The following HAUS7 variants were observed in gnomAD, a reference collection of about 807,000 sequenced individuals.
HAUS7 encodes the protein HAUS augmin like complex subunit 7.
HAUS7 carries 3 observed loss-of-function variants against 28.4 expected under a neutral mutation model. That is an observed-to-expected ratio of 0.11 (90% confidence interval 0.05 to 0.27). The LOEUF (loss-of-function observed/expected upper bound fraction) is 0.27, where lower values mean the gene tolerates loss of function less well. HAUS7 is among the 10% of genes least tolerant of loss of function. HAUS7 has a pLI of 1.00. For missense variants in HAUS7, 284 were observed against 297.3 expected (o/e 0.96, Z 0.33); for synonymous variants, 165 against 132.1 (o/e 1.25, Z -1.71).
intron 1 of HAUS7, among the ~76,000 whole-genome samples, chrX:153,483,783 C>T (rs2089617197): frequency 8.9e-6 from 1 of 112,140 alleles, no homozygotes; most frequent in South Asian, 3.8e-4. Flanking sequence ...CCTAGGCCTG[C>T]CCTGCCGGCC....
At position 153,464,973 on chromosome X, in the gene HAUS7, C is replaced by G; in HGVS notation, c.292+15G>C. The G allele has an allele frequency of 1.7e-6, 2 of 1,147,676 alleles. No individual in the cohort carries two copies. Among genetic ancestry groups the G allele is most frequent in the Non-Finnish European group, 2.4e-6 (2 of 837,106 alleles). 94.6% of individuals were successfully genotyped at this position (1,147,676 alleles called of 1,213,427 possible). ...GGCTGTGGACAAGCTCAGAATGGAC[C>G]AAGATTCCACCTACCTTGGATCTTC... is the stretch of plus-strand genomic sequence containing the variant. On this transcript the variant is annotated intron_variant, in intron 3 of 9. Coordinates refer to ENST00000370211, the MANE Select transcript of HAUS7 (RefSeq NM_001385482.1).
At chrX:153,489,100 G>A (rs1459483729) in intron 1 of HAUS7, among the ~76,000 whole-genome samples, 7 of 112,749 alleles carry the variant, frequency 6.2e-5, no homozygotes, top group African/African-American at 1.9e-4. Context: ...CCTGCACTCC[G>A]AGATGGGGCA....
chrX:153,474,642 G>A (rs1331179585), upstream of HAUS7, among the ~76,000 whole-genome samples: 1 of 109,059 alleles, frequency 9.2e-6, no homozygotes, highest in Non-Finnish European at 1.9e-5. Flanking sequence ...GGGGCCCTGG[G>A]GACCTTTGGG....
chrX:153,456,450 A>G (rs1385813029), intron 6 of HAUS7, 43 bp downstream of exon 6: 2 of 1,174,671 alleles, frequency 1.7e-6, no homozygotes, highest in African/African-American at 1.8e-5. Flanking sequence ...GGGCTGGGAC[A>G]GGAGGCCAGG....
chrX:153,456,476 C>G lies in HAUS7; in HGVS notation c.605+17G>C, dbSNP rs936147292. 8.5e-7 allele frequency: 1 copy of G among 1,176,433 alleles called. No individual in the cohort carries two copies. The highest frequency in any genetic ancestry group is 1.1e-6 in the Non-Finnish European group (1 of 876,817). ...GGAGGCCAGGGTGCTGCCACTGAGG[C>G]CTCCAGGAGCACGTACCACTGCCAG... On this transcript the variant is annotated intron_variant, in intron 6 of 9. Coordinates refer to ENST00000370211, the MANE Select transcript of HAUS7 (RefSeq NM_001385482.1).
At chrX:153,485,179 C>T (rs990094201) in intron 1 of HAUS7, among the ~76,000 whole-genome samples, 1 of 111,737 alleles carries the variant, frequency 8.9e-6, no homozygotes, top group African/African-American at 3.3e-5. Context: ...TGGGTGACCT[C>T]CCAGGGTCCC....
Position 153,470,531 on chromosome X carries a change from G to A in HAUS7, c.27C>T (p.Gly9=), listed in dbSNP as rs1556985003. The A allele has an allele frequency of 8.4e-7, 1 of 1,194,851 alleles. No homozygotes were observed. Among genetic ancestry groups the A allele is most frequent in the Admixed American group, 2.2e-5 (1 of 45,085 alleles). The change falls in exon 1 of 10, where the codon GGC becomes GGT. Residue 9 remains glycine (G), a synonymous_variant. Transcript: ENST00000370211. MAGQDAGC[G]RGGDDYSEDE... ...CCTCTGAGTAGTCGTCGCCGCCACG[G>A]CCGCAGCCAGCGTCCTGCCCCGCCA...
chrX:153,461,882 C>A (rs1167085376), intron 4 of HAUS7: 5 of 327,979 alleles, frequency 1.5e-5, no homozygotes, highest in Non-Finnish European at 2.7e-5. Context: ...AATTCCACTC[C>A]CAGCTATACA....
chrX:153,476,244 G>A (rs1307283393), intron 1 of HAUS7, among the ~76,000 whole-genome samples: 1 of 112,214 alleles, frequency 8.9e-6, no homozygotes, highest in African/African-American at 3.2e-5. Context: ...CCTCTTTTTC[G>A]GAGGGCTCTT....
chrX:153,472,435 ACCACCCACCACCTG>A (rs1247643479), upstream of HAUS7, among the ~76,000 whole-genome samples: 21 of 13,550 alleles, frequency 1.5e-3, no homozygotes, highest in South Asian at 2.9e-3. Flanking sequence ...CCCACCACCC[ACCACCCACCACCTG>A]CCACCCACCA....
chrX:153,470,384 TC>T, intron 1 of HAUS7, 65 bp downstream of exon 1: 1 of 1,118,459 alleles, frequency 8.9e-7, no homozygotes, highest in Non-Finnish European at 1.2e-6. Context: ...CAGCAAGCCC[TC>T]CCGGGCCTCG....
At position 153,459,650 on chromosome X, in the gene HAUS7, C is replaced by T. The variant is rs1319238726; in HGVS notation, c.355-2422G>A. On this transcript the variant is annotated intron_variant, in intron 4 of 9. Coordinates refer to ENST00000370211, the MANE Select transcript of HAUS7 (RefSeq NM_001385482.1). ...TCTGTGTTTCCGCCTGCATTACAGCCGGGGTGTCATATTGTTCTAGGCATT... is the reference window on the plus strand; with the variant it reads ...TCTGTGTTTCCGCCTGCATTACAGCTGGGGTGTCATATTGTTCTAGGCATT... Among the ~76,000 whole-genome samples the T allele has an allele frequency of 8.1e-5, 9 of 111,629 alleles. No homozygotes were observed. In the South Asian group the frequency reaches 1.9e-3, roughly 23 times the overall value.
intron 4 of HAUS7, 22 bp downstream of exon 4, chrX:153,462,588 G>C (rs184541839): frequency 3.5e-4 from 395 of 1,123,239 alleles, no homozygotes; most frequent in Non-Finnish European, 1.1e-5. Flanking sequence ...GCCGTCTGCA[G>C]AGCAGACAGA....
At chrX:153,469,074 A>G in intron 2 of HAUS7, 72 bp downstream of exon 2, 1 of 594,931 alleles carries the variant, frequency 1.7e-6, no homozygotes. Flanking sequence ...CACAAACCCC[A>G]TCTTCCCCAG....
intron 2 of HAUS7, among the ~76,000 whole-genome samples, chrX:153,465,312 CAAAAAAAAAA>C (rs72146941): frequency 3.5e-5 from 2 of 57,192 alleles, no homozygotes; most frequent in Non-Finnish European, 6.4e-5. Context: ...TTCTCAAGAC[CAAAAAAAAAA>C]AAAAAAAAAA....
Position 153,454,511 on chromosome X carries a change from G to GGGGAGGGA in HAUS7, c.931-11_931-4dup, listed in dbSNP as rs371637396. On this transcript the variant is annotated splice_region_variant and splice_polypyrimidine_tract_variant and intron_variant, in intron 8 of 9. Transcript: ENST00000370211. ...ACTGCCATGACCACTTGCAGCAGCTGGGGAGGGAGGGAGGGAGGGAGGGAG... is the reference window on the plus strand; with the variant it reads ...ACTGCCATGACCACTTGCAGCAGCTGGGGAGGGAGGGAGGGAGGGAGGGAGGGAGGGAG... 7.3e-4 allele frequency: 413 copies of GGGGAGGGA among 569,164 alleles called. 6 individuals are homozygous for GGGGAGGGA. The African/African-American group carries it at 9.1e-3, about 13-fold the overall frequency. The allele number at this position is 569,164 out of a possible 1,213,427, so 46.9% of individuals were successfully genotyped here.
intron 1 of HAUS7, among the ~76,000 whole-genome samples, chrX:153,490,220 C>T (rs1296518200): frequency 8.8e-6 from 1 of 113,046 alleles, no homozygotes; most frequent in African/African-American, 3.2e-5. Context: ...TCTGGCCACG[C>T]CCCAGACCAT....
chrX:153,494,737 GGA>G (rs1177299056), intron 1 of HAUS7, among the ~76,000 whole-genome samples: 2 of 97,620 alleles, frequency 2.0e-5, no homozygotes, highest in Non-Finnish European at 4.4e-5. Context: ...CCCAGGCGGG[GGA>G]GGGGGGGGGA....
intron 1 of HAUS7, among the ~76,000 whole-genome samples, chrX:153,482,100 C>T (rs902202003): frequency 8.9e-6 from 1 of 112,128 alleles, no homozygotes; most frequent in African/African-American, 3.2e-5. Context: ...TTTGGTGTGA[C>T]GTGTTCCATC....
Sources: gnomAD v4.1 joint callset for allele counts (sites outside exome capture counted in the v4.1 genomes callset) on GRCh38, gnomAD v4.1.1 for gene constraint, MANE v1.5 for transcripts, NCBI Gene and HGNC (gene_info 2026-07-23, HGNC 2026-07-21) for gene names.